Variants in FRRS1 observed in about 807,000 individuals in gnomAD.
The protein encoded by FRRS1 is ferric reductase 1.
Under a neutral mutation model 70.7 loss-of-function variants are expected in FRRS1, and 51 were observed. The ratio of observed to expected loss-of-function variants is 0.72; its 90% CI spans 0.58 to 0.91. FRRS1 has a LOEUF of 0.91. Among genes scored for constraint, FRRS1 ranks in the 40% least tolerant of loss-of-function variants. The probability of loss-of-function intolerance (pLI) is 0.00; values close to 1 mark genes in which losing one functional copy is unlikely to be tolerated. For missense variants in FRRS1, 672 were observed against 726.0 expected (o/e 0.93, Z 0.86); for synonymous variants, 225 against 238.7 (o/e 0.94, Z 0.53).
intron 9 of FRRS1, among the ~76,000 whole-genome samples, chr1:99,724,299 T>C (rs996613218): frequency 6.6e-6 from 1 of 152,156 alleles, no homozygotes. Flanking sequence ...AAATAACAGG[T>C]CATGTGACAG....
At chr1:99,720,278 A>G (rs1466319417) in intron 9 of FRRS1, among the ~76,000 whole-genome samples, 1 of 152,208 alleles carries the variant, frequency 6.6e-6, no homozygotes, top group Non-Finnish European at 1.5e-5. Flanking sequence ...GAATTATTCC[A>G]AATGTGTGTG....
intron 2 of FRRS1, 54 bp from the exon 3 acceptor site, chr1:99,748,822 G>T: frequency 2.2e-6 from 3 of 1,376,580 alleles, no homozygotes; most frequent in South Asian, 1.3e-5. Context: ...AAATATAAAA[G>T]CTTTTACACA....
chr1:99,709,055 T>C lies in FRRS1; in HGVS notation c.1752A>G (p.Ile584Met). The C allele has an allele frequency of 1.9e-6, 3 of 1,613,652 alleles. No homozygotes were observed. The highest frequency in any genetic ancestry group is 4.5e-5 in the East Asian group (2 of 44,850). ...YVCGNVTFLI[I>M]FLSAINHL ...ATAGATGGTTGATTGCAGATAAAAA[T>C]ATGATGAGAAAAGTAACATTCCCAC... The change falls in exon 17 of 17, where the codon ATA becomes ATG. Residue 584 changes from isoleucine (I) to methionine (M), a missense_variant. Physicochemically the swap from Ile to Met is conservative, Grantham distance 10 (BLOSUM62 1). Transcript: ENST00000646001.
At chr1:99,727,904 T>C (rs1175676682) in intron 9 of FRRS1, among the ~76,000 whole-genome samples, 2 of 152,210 alleles carry the variant, frequency 1.3e-5, no homozygotes, top group Non-Finnish European at 2.9e-5. Flanking sequence ...TGTTAGGCTG[T>C]ACTTGGCATC....
chr1:99,725,724 T>C (rs1355700590), intron 9 of FRRS1, among the ~76,000 whole-genome samples: 1 of 152,182 alleles, frequency 6.6e-6, no homozygotes, highest in Non-Finnish European at 1.5e-5. Flanking sequence ...CAACTAGGTG[T>C]TTCTGAGGGA....
At chr1:99,712,270 C>T in intron 13 of FRRS1, 107 bp from the exon 14 acceptor site, 1 of 962,218 alleles carries the variant, frequency 1.0e-6, no homozygotes, top group South Asian at 1.5e-5. Context: ...AATTAGATAT[C>T]TGAAATGCAT....
chr1:99,741,255 A>G (rs376244676), intron 5 of FRRS1, among the ~76,000 whole-genome samples: 7 of 152,330 alleles, frequency 4.6e-5, no homozygotes, highest in South Asian at 2.1e-4. Flanking sequence ...TGAAGAACAT[A>G]CTACAAGTCA....
At chr1:99,737,040 C>T (rs1655709046) in intron 7 of FRRS1, among the ~76,000 whole-genome samples, 1 of 99,552 alleles carries the variant, frequency 1.0e-5, no homozygotes, top group South Asian at 3.3e-4. Flanking sequence ...ACCCTCAAGA[C>T]AAGAACGCCT....
rs6697135 is a variant in FRRS1, at chr1:99,735,437, G to A, written c.759+2649C>T. On this transcript the variant is annotated intron_variant, in intron 7 of 16. Transcript: ENST00000646001. ...AATTTAGGTTATCGAATGAGTATTC[G>A]TGACATCAGATACCTTCAGTATTTA... Among the ~76,000 whole-genome samples, 727 of 152,238 alleles carry A rather than the reference G, an allele frequency of 4.8e-3. 8 individuals are homozygous for A. The highest frequency in any genetic ancestry group is 0.017 in the African/African-American group (691 of 41,530).
At chr1:99,760,904 G>C (rs940704862) in intron 1 of FRRS1, among the ~76,000 whole-genome samples, 1 of 152,018 alleles carries the variant, frequency 6.6e-6, no homozygotes, top group African/African-American at 2.4e-5. Context: ...ACCTGCCTCG[G>C]CCTCCCAAAG....
chr1:99,753,114 G>A (rs1446924892), intron 1 of FRRS1, among the ~76,000 whole-genome samples: 1 of 151,692 alleles, frequency 6.6e-6, no homozygotes, highest in Non-Finnish European at 1.5e-5. Context: ...TTAAGAGGCT[G>A]AGGCAGGAGG....
chr1:99,744,398 T>TA (rs1656134005), intron 4 of FRRS1, among the ~76,000 whole-genome samples: 4 of 152,212 alleles, frequency 2.6e-5, no homozygotes, highest in Admixed American at 1.3e-4. Context: ...AAGCAGCTTC[T>TA]ATTGACCAAG....
intron 7 of FRRS1, among the ~76,000 whole-genome samples, chr1:99,737,047 GCCTGTGC>G (rs1286827643): frequency 2.1e-5 from 1 of 46,972 alleles, no homozygotes; most frequent in Non-Finnish European, 3.2e-5. Flanking sequence ...AGACAAGAAC[GCCTGTGC>G]TAATAAGGGG....
At chr1:99,719,357 T>C (rs1440208033) in intron 10 of FRRS1, among the ~76,000 whole-genome samples, 177 bp downstream of exon 10, 2 of 138,018 alleles carry the variant, frequency 1.4e-5, no homozygotes, top group East Asian at 2.1e-4. Context: ...TGCAGTGAGC[T>C]GAGATCGTGC....
chr1:99,728,867 A>C (rs1655204502), intron 8 of FRRS1, among the ~76,000 whole-genome samples: 1 of 152,244 alleles, frequency 6.6e-6, no homozygotes, highest in Admixed American at 6.5e-5. Flanking sequence ...TATTATTTTT[A>C]CTTTGAGCCA....
chr1:99,719,620 G>C lies in FRRS1; in HGVS notation c.1034C>G (p.Pro345Arg), dbSNP rs1571103718. Residue 345 changes from proline (P) to arginine (R), a missense_variant, in exon 10 of 17, where the codon CCT (proline) becomes CGT (arginine). By Grantham distance (103) the Pro-to-Arg change is moderately radical. Coordinates refer to ENST00000646001, the MANE Select transcript of FRRS1 (RefSeq NM_001361041.2). ...DGRIYKHSQQ[P>R]LITYEKYDVT... ...ATCATATTTTTCATAGGTAATCAAAGGTTGCTGAGAGTGCTTGTAAATTCG... is the reference window on the plus strand; with the variant it reads ...ATCATATTTTTCATAGGTAATCAAACGTTGCTGAGAGTGCTTGTAAATTCG... 6.2e-7 allele frequency: 1 copy of C among 1,608,212 alleles called. No individual in the cohort carries two copies. The highest frequency in any genetic ancestry group is 2.2e-5 in the East Asian group (1 of 44,800).
At chr1:99,730,301 G>T (rs1655292050) in intron 7 of FRRS1, among the ~76,000 whole-genome samples, 1 of 152,114 alleles carries the variant, frequency 6.6e-6, no homozygotes, top group Admixed American at 6.5e-5. Context: ...ATATTCAATA[G>T]ATTTAATGTT....
In FRRS1 at chr1:99,708,771, G is replaced by C; in HGVS notation, c.*257C>G. On this transcript the variant is annotated 3_prime_UTR_variant, in exon 17 of 17. Coordinates refer to ENST00000646001, the MANE Select transcript of FRRS1 (RefSeq NM_001361041.2). ...TAAAATCTTGGCATGAAATATTTGA[G>C]AGTTACTTCTCCTGAAGTACAATCT... 1.7e-6 allele frequency: 1 copy of C among 583,018 alleles called. No homozygotes were observed. 36.1% of individuals were successfully genotyped at this position (583,018 alleles called of 1,614,324 possible). A position where few individuals can be genotyped will look rare whatever the true frequency, so the allele number is the denominator to read the frequency against.
rs1654477742 is a variant in FRRS1, at chr1:99,715,570, T to C, written c.1323+16A>G. On this transcript the variant is annotated intron_variant, in intron 12 of 16. Coordinates refer to ENST00000646001, the MANE Select transcript of FRRS1 (RefSeq NM_001361041.2). ...AAATGGATTTATAAAAAAAACCCTA[T>C]TTAAGATATACTTACCCTACTCCAG... 2.7e-6 allele frequency: 4 copies of C among 1,486,446 alleles called. No individual in the cohort carries two copies. The African/African-American group carries it at 5.5e-5, about 21-fold the overall frequency. 92.1% of individuals were successfully genotyped at this position (1,486,446 alleles called of 1,614,324 possible).
Sources: gnomAD v4.1 joint callset for allele counts (sites outside exome capture counted in the v4.1 genomes callset) on GRCh38, gnomAD v4.1.1 for gene constraint, MANE v1.5 for transcripts, NCBI Gene and HGNC (gene_info 2026-07-23, HGNC 2026-07-21) for gene names.